SYNE3: variants seen among roughly 807,000 people sequenced by gnomAD.
The protein encoded by SYNE3 is nesprin-3.
A neutral mutation model predicts 111.2 loss-of-function variants in SYNE3; 100 were observed. The ratio of observed to expected loss-of-function variants is 0.90; its 90% CI spans 0.77 to 1.06. The LOEUF is 1.06. Ranked by LOEUF, SYNE3 falls within the 50% of genes least tolerant of loss-of-function variation. The pLI, the probability that SYNE3 is intolerant of heterozygous loss-of-function variation, is 0.00. For missense variants in SYNE3, 1,160 were observed against 1,240.3 expected, an observed-to-expected ratio of 0.94 and a Z score of 0.97; for synonymous variants, 547 against 533.9, an observed-to-expected ratio of 1.02 and a Z score of -0.34.
At chr14:95,449,226 C>T (rs1215347821) in intron 8 of SYNE3, among the ~76,000 whole-genome samples, 1 of 152,166 alleles carries the variant, frequency 6.6e-6, no homozygotes, top group Non-Finnish European at 1.5e-5. Context: ...TGCTCAGTTC[C>T]GAGGCACTGA....
At chr14:95,466,952 A>C (rs904836485) in intron 3 of SYNE3, among the ~76,000 whole-genome samples, 1 of 152,100 alleles carries the variant, frequency 6.6e-6, no homozygotes, top group African/African-American at 2.4e-5. Context: ...CGTTGCACCC[A>C]ATGGGGACGG....
intron 4 of SYNE3, among the ~76,000 whole-genome samples, chr14:95,458,604 A>G (rs1337733932): frequency 6.6e-6 from 1 of 152,186 alleles, no homozygotes; most frequent in Non-Finnish European, 1.5e-5. Context: ...CCACTGCCCC[A>G]GGCTGAATTA....
intron 6 of SYNE3, 78 bp downstream of exon 6, chr14:95,455,299 T>A: frequency 8.3e-7 from 1 of 1,203,184 alleles, no homozygotes; most frequent in Non-Finnish European, 1.1e-6. Flanking sequence ...CGATTCTCCA[T>A]CACAGAGGAG....
intron 1 of SYNE3, among the ~76,000 whole-genome samples, chr14:95,481,356 C>A (rs17092510): frequency 0.31 from 47,109 of 152,034 alleles, 7,726 homozygotes; most frequent in Admixed American, 0.47. Context: ...TAAAGCCCCT[C>A]CGAGTCCAGC....
intron 3 of SYNE3, among the ~76,000 whole-genome samples, chr14:95,467,543 G>A (rs1888263789): frequency 1.3e-5 from 2 of 152,232 alleles, no homozygotes; most frequent in South Asian, 2.1e-4. Flanking sequence ...CCATGCTCTG[G>A]AGGATGCACA....
intron 17 of SYNE3, among the ~76,000 whole-genome samples, chr14:95,421,207 T>C (rs777865909): frequency 1.3e-5 from 2 of 152,156 alleles, no homozygotes; most frequent in Non-Finnish European, 2.9e-5. Context: ...AACGGACTAA[T>C]ACATCATCCC....
intron 1 of SYNE3, among the ~76,000 whole-genome samples, chr14:95,499,471 C>A (rs531979979): frequency 6.6e-6 from 1 of 152,222 alleles, no homozygotes; most frequent in East Asian, 1.9e-4. Flanking sequence ...GTCCCTCTGC[C>A]CTTCTCTGCC....
chr14:95,513,761 A>ATATATATATATATATATATC (rs1890808475), intron 1 of SYNE3, among the ~76,000 whole-genome samples: 1 of 142,316 alleles, frequency 7.0e-6, no homozygotes, highest in Non-Finnish European at 1.5e-5. Flanking sequence ...ATATATATAT[A>ATATATATATATATATATATC]TATATATATA....
At chr14:95,475,252 C>T (rs904483614) in intron 2 of SYNE3, among the ~76,000 whole-genome samples, 4 of 152,200 alleles carry the variant, frequency 2.6e-5, no homozygotes, top group South Asian at 2.1e-4. Context: ...GCCCCTTCCC[C>T]GCTCCTCTGG....
chr14:95,467,937 C>T lies in SYNE3; in HGVS notation c.175G>A (p.Val59Met). 6.2e-7 allele frequency: 1 copy of T among 1,613,542 alleles called. No individual in the cohort carries two copies. Residue 59 changes from valine (V) to methionine (M), a missense_variant, in exon 3 of 18, where the codon GTG becomes ATG. Val to Met is a conservative substitution (Grantham distance 21). Coordinates refer to ENST00000682763, the MANE Select transcript of SYNE3 (RefSeq NM_152592.6). ...KICQLEPEGR[V>M]RVDLVLRMAE... ...ATCCGTAGCACGAGGTCCACCCTCA[C>T]ACGCCCCTCGGGCTCCAGCTGGCAT...
Position 95,432,072 on chromosome 14 carries a change from A to G in SYNE3, c.2727+7T>C. On this transcript the variant is annotated splice_region_variant and intron_variant, in intron 17 of 17. Coordinates refer to ENST00000682763, the MANE Select transcript of SYNE3 (RefSeq NM_152592.6). Reference sequence around the variant, plus strand: ...TAGCCGTGTGGAGCAGATGGCAGACACTGTACCTTTTGGAATCCAGTCGGC... The same window carrying G: ...TAGCCGTGTGGAGCAGATGGCAGACGCTGTACCTTTTGGAATCCAGTCGGC... The G allele has an allele frequency of 1.9e-6, 3 of 1,611,598 alleles. No homozygotes were observed. Among genetic ancestry groups the G allele is most frequent in the Non-Finnish European group, 2.5e-6 (3 of 1,178,872 alleles).
chr14:95,475,847 G>A lies in SYNE3; in HGVS notation c.-14-12C>T. 1 of 1,495,260 alleles carries A rather than the reference G, an allele frequency of 6.7e-7. No individual in the cohort carries two copies. Among genetic ancestry groups the A allele is most frequent in the Non-Finnish European group, 8.9e-7 (1 of 1,122,336 alleles). 92.6% of individuals were successfully genotyped at this position (1,495,260 alleles called of 1,614,324 possible). A position where few individuals can be genotyped will look rare whatever the true frequency, so the allele number is the denominator to read the frequency against. On this transcript the variant is annotated splice_polypyrimidine_tract_variant and intron_variant, in intron 1 of 17. Coordinates refer to ENST00000682763, the MANE Select transcript of SYNE3 (RefSeq NM_152592.6). Reference sequence around the variant, plus strand: ...GGCACCTGCAGGGGCTGAAGAAAGGGCCACAGATAAGGCCAACAGGCAGGA... The same window carrying A: ...GGCACCTGCAGGGGCTGAAGAAAGGACCACAGATAAGGCCAACAGGCAGGA...
chr14:95,512,497 T>C (rs1566693379), intron 1 of SYNE3, among the ~76,000 whole-genome samples: 1 of 151,872 alleles, frequency 6.6e-6, no homozygotes, highest in Non-Finnish European at 1.5e-5. Flanking sequence ...GAGGTTGCTG[T>C]GAGCTGAGAT....
chr14:95,472,777 C>T (rs996996144), intron 2 of SYNE3, among the ~76,000 whole-genome samples: 7 of 152,178 alleles, frequency 4.6e-5, no homozygotes, highest in Non-Finnish European at 1.0e-4. Flanking sequence ...ACAGAAAGCC[C>T]CCACCCCACG....
intron 1 of SYNE3, among the ~76,000 whole-genome samples, chr14:95,482,709 G>A (rs1169926971): frequency 6.6e-6 from 1 of 152,096 alleles, no homozygotes; most frequent in Non-Finnish European, 1.5e-5. Context: ...GTGGACCCAG[G>A]TCCACCAATG....
chr14:95,430,024 G>C, intron 17 of SYNE3: 1 of 184,520 alleles, frequency 5.4e-6, no homozygotes, highest in Non-Finnish European at 8.4e-6. Context: ...GGGAGGGAGG[G>C]TAGAGACAGC....
intron 1 of SYNE3, among the ~76,000 whole-genome samples, chr14:95,487,181 C>T (rs983502828): frequency 3.2e-4 from 48 of 152,248 alleles, no homozygotes; most frequent in Middle Eastern, 3.2e-3. Flanking sequence ...TCTGCTCCTC[C>T]TGGTAGAAGC....
rs377599534 is a variant in SYNE3, at chr14:95,475,709, G to C, written c.113C>G (p.Ala38Gly). 1 of 1,595,880 alleles carries C rather than the reference G, an allele frequency of 6.3e-7. No individual in the cohort carries two copies. The highest frequency in any genetic ancestry group is 8.5e-7 in the Non-Finnish European group (1 of 1,172,336). ...CTCCCACAGCCTGGCCTCCAGGGCC[G>C]CGCGGGGTCCCTGCGTGTTGTCATT... The part of the protein sequence containing the change: ...QVNDNTQGPR[A>G]ALEARLWETE... The change falls in exon 2 of 18, where the codon GCG becomes GGG. Residue 38 changes from alanine (A) to glycine (G), a missense_variant. Coordinates refer to ENST00000682763, the MANE Select transcript of SYNE3 (RefSeq NM_152592.6).
chr14:95,500,867 G>C lies in SYNE3; in HGVS notation c.-15+15729C>G. On this transcript the variant is annotated intron_variant, in intron 1 of 17. Coordinates refer to ENST00000682763, the MANE Select transcript of SYNE3 (RefSeq NM_152592.6). The surrounding 1 kb of genome is among the most constrained non-coding windows in gnomAD (Gnocchi z 4.7). ...GAGCCCCATTCTTTGTACTCCCAGT[G>C]GGGGATCGGGGGCGGTGAAGCGGGA... 6.6e-6 allele frequency among the ~76,000 whole-genome samples: 1 copy of C among 152,210 alleles called. No homozygotes were observed. The highest frequency in any genetic ancestry group is 2.1e-4 in the South Asian group (1 of 4,826).
Sources: allele counts gnomAD v4.1 joint callset (sites outside exome capture counted in the v4.1 genomes callset), GRCh38; gene constraint gnomAD v4.1.1; non-coding constraint Gnocchi (gnomAD v3.1); transcripts MANE v1.5; gene names NCBI Gene and HGNC (gene_info 2026-07-23, HGNC 2026-07-21).